EEF1A2: variants seen among roughly 807,000 people sequenced by gnomAD.
The protein encoded by EEF1A2 is elongation factor 1-alpha 2.
Under a neutral mutation model 39.3 loss-of-function variants are expected in EEF1A2, and 5 were observed. That is an observed-to-expected ratio of 0.13 (90% confidence interval 0.07 to 0.27). The LOEUF (loss-of-function observed/expected upper bound fraction) is 0.27, where lower values mean the gene tolerates loss of function less well. Ranked by LOEUF, EEF1A2 falls within the 10% of genes least tolerant of loss-of-function variation. The pLI, the probability that EEF1A2 is intolerant of heterozygous loss-of-function variation, is 1.00. For missense variants in EEF1A2, 218 were observed against 681.4 expected (o/e 0.32, Z 7.57); for synonymous variants, 287 against 293.7 (o/e 0.98, Z 0.23).
intron 6 of EEF1A2, 145 bp downstream of exon 6, chr20:63,490,334 G>A: frequency 9.6e-7 from 1 of 1,046,876 alleles, no homozygotes; most frequent in Non-Finnish European, 1.4e-6. Flanking sequence ...CAAAGTGCTG[G>A]GATTACAGGC....
rs888357801 is a variant in EEF1A2, at chr20:63,493,216, G to A, written c.693C>T (p.Ala231=). 9.7e-6 allele frequency: 15 copies of A among 1,548,260 alleles called. No homozygotes were observed. The highest frequency in any genetic ancestry group is 1.4e-5 in the African/African-American group (1 of 72,958). The change falls in exon 5 of 8, where the codon GCC becomes GCT. Residue 231 remains alanine (A), a synonymous_variant. Transcript: ENST00000217182. ...GCGTGGGGGGCAGGATGGTGTCCAG[G>A]GCCTCCAGCAGGGACACGCCGCTTG... ...GNASGVSLLE[A]LDTILPPTRP...
intron 2 of EEF1A2, 48 bp from the exon 3 acceptor site, chr20:63,496,083 A>G: frequency 6.2e-7 from 1 of 1,601,004 alleles, no homozygotes. Context: ...GGGACCCAGG[A>G]GTCCCTGGTG....
intron 5 of EEF1A2, among the ~76,000 whole-genome samples, chr20:63,492,363 TGGATAGAG>T (rs1199282571): frequency 3.3e-5 from 5 of 150,326 alleles, no homozygotes; most frequent in Non-Finnish European, 7.4e-5. Context: ...AATAGATGGA[TGGATAGAG>T]AGAAGGATGG....
In EEF1A2 at chr20:63,494,866, G is replaced by T; in HGVS notation, c.560C>A (p.Thr187Asn). ...GCCGGAGATGGGCACAAAGGGCACG[G>T]TGGCCGGGTTGTAGCCGATCTTCTT... ...YIKKIGYNPA[T>N]VPFVPISGWH... is the part of the protein sequence containing the mutation. The change falls in exon 4 of 8, where the codon ACC becomes AAC. Residue 187 changes from threonine (T) to asparagine (N), a missense_variant. Around this residue, in one of 4 missense-constraint regions of EEF1A2, gnomAD observed 79 missense variants for 172.3 expected, o/e 0.46. Transcript: ENST00000217182. 6.2e-7 allele frequency: 1 copy of T among 1,612,712 alleles called. No individual in the cohort carries two copies.
At chr20:63,490,837 A>G (rs2082375526) in intron 5 of EEF1A2, 102 bp from the exon 6 acceptor site, 2 of 1,401,566 alleles carry the variant, frequency 1.4e-6, no homozygotes, top group Admixed American at 4.1e-5. Context: ...CTGGGACTGG[A>G]TCCCCCCGAC....
At position 63,498,034 on chromosome 20, in the gene EEF1A2, C is replaced by G. The variant is rs564249160; in HGVS notation, c.-71-200G>C. 18 of 385,756 alleles carry G rather than the reference C, an allele frequency of 4.7e-5. No individual in the cohort carries two copies. In the South Asian group the frequency reaches 5.9e-4, roughly 13 times the overall value. 23.9% of individuals were successfully genotyped at this position (385,756 alleles called of 1,614,324 possible). A position where few individuals can be genotyped will look rare whatever the true frequency, so the allele number is the denominator to read the frequency against. ...GGCTGTGCACTGCCCCCACCCCACACTTGAGCCCAAACAGCCCCATCTGCT... is the reference window on the plus strand; with the variant it reads ...GGCTGTGCACTGCCCCCACCCCACAGTTGAGCCCAAACAGCCCCATCTGCT... On this transcript the variant is annotated intron_variant, in intron 1 of 7. Transcript: ENST00000217182. This position sits in a 1 kb window ranked among gnomAD's most constrained non-coding sequence, Gnocchi z 4.1.
chr20:63,488,906 A>C lies in EEF1A2; in HGVS notation c.1264+12T>G. 3 of 1,605,522 alleles carry C rather than the reference A, an allele frequency of 1.9e-6. No individual in the cohort carries two copies. The highest frequency in any genetic ancestry group is 2.5e-6 in the Non-Finnish European group (3 of 1,178,534). On this transcript the variant is annotated intron_variant, in intron 7 of 7. Coordinates refer to ENST00000217182, the MANE Select transcript of EEF1A2 (RefSeq NM_001958.5). ...CCTGGGGGCTGCACCTCCCCGGACCACCCCGGCTCACCGAGAGGCGGGTAC... is the reference window on the plus strand; with the variant it reads ...CCTGGGGGCTGCACCTCCCCGGACCCCCCCGGCTCACCGAGAGGCGGGTAC...
chr20:63,497,817 AG>A lies in EEF1A2; in HGVS notation c.-55del. On this transcript the variant is annotated 5_prime_UTR_variant, in exon 2 of 8. Transcript: ENST00000217182. The surrounding 1 kb of genome is among the most constrained non-coding windows in gnomAD (Gnocchi z 7.3). Reference sequence around the variant, plus strand: ...ACCCGGGGTGCTCTGGCTCAGGGCGAGGGGGGCTGCAGTGATTCTGTGGGGC... The same window carrying A: ...ACCCGGGGTGCTCTGGCTCAGGGCGAGGGGGCTGCAGTGATTCTGTGGGGC... 6.3e-7 allele frequency: 1 copy of A among 1,581,686 alleles called. No individual in the cohort carries two copies.
intron 4 of EEF1A2, among the ~76,000 whole-genome samples, chr20:63,493,944 G>T (rs1269617586): frequency 2.6e-5 from 4 of 152,252 alleles, no homozygotes; most frequent in African/African-American, 9.6e-5. Flanking sequence ...CCTCCCTGGG[G>T]AGGGGAGAGT....
At chr20:63,490,995 G>A (rs1459293719) in intron 5 of EEF1A2, among the ~76,000 whole-genome samples, 2 of 152,252 alleles carry the variant, frequency 1.3e-5, no homozygotes, top group African/African-American at 2.4e-5. Flanking sequence ...AGGAACCCAC[G>A]GAAAAGCCAC....
At chr20:63,491,866 GTGGA>G (rs1396638724) in intron 5 of EEF1A2, among the ~76,000 whole-genome samples, 1 of 99,220 alleles carries the variant, frequency 1.0e-5, no homozygotes, top group Non-Finnish European at 2.0e-5. Context: ...GGATGGGGAG[GTGGA>G]TGGATAGATG....
chr20:63,495,160 G>A, intron 3 of EEF1A2, 59 bp from the exon 4 acceptor site: 1 of 1,570,308 alleles, frequency 6.4e-7, no homozygotes, highest in Non-Finnish European at 8.6e-7. Context: ...GACAGAGCGA[G>A]CCTGGCCCCA....
In EEF1A2 at chr20:63,497,707, T is replaced by C. The variant is rs1311318770; in HGVS notation, c.57A>G (p.Gly19=). Reference sequence around the variant, plus strand: ...TGAGGTGGCCCGTGGTGGTGGACTTTCCGGAGTCCACGTGGCCGATGACCA... The same window carrying C: ...TGAGGTGGCCCGTGGTGGTGGACTTCCCGGAGTCCACGTGGCCGATGACCA... ...NIVVIGHVDS[G]KSTTTGHLIY... The change falls in exon 2 of 8, where the codon GGA becomes GGG. Residue 19 remains glycine (G), a synonymous_variant. Coordinates refer to ENST00000217182, the MANE Select transcript of EEF1A2 (RefSeq NM_001958.5). The surrounding 1 kb of genome is among the most constrained non-coding windows in gnomAD (Gnocchi z 7.3). The C allele has an allele frequency of 1.2e-6, 2 of 1,612,962 alleles. No homozygotes were observed. Among genetic ancestry groups the C allele is most frequent in the Non-Finnish European group, 1.7e-6 (2 of 1,179,846 alleles).
rs2082370243 is a variant in EEF1A2 at position 63,489,907 on chromosome 20, T to G, written c.1029+572A>C. 2.0e-5 allele frequency among the ~76,000 whole-genome samples: 3 copies of G among 152,190 alleles called. No homozygotes were observed. In the South Asian group the frequency reaches 6.2e-4, roughly 32 times the overall value. ...AACAAAAGCGTTTTTCTAGGACGAA[T>G]GTAGGACCTCAAAGGCTGGGCATCC... On this transcript the variant is annotated intron_variant, in intron 6 of 7. Coordinates refer to ENST00000217182, the MANE Select transcript of EEF1A2 (RefSeq NM_001958.5).
At chr20:63,490,841 C>T in intron 5 of EEF1A2, 106 bp from the exon 6 acceptor site, 1 of 1,362,698 alleles carries the variant, frequency 7.3e-7, no homozygotes, top group Non-Finnish European at 9.9e-7. Context: ...GACTGGATCC[C>T]CCCGACAGGC....
chr20:63,497,719 G>A lies in EEF1A2; in HGVS notation c.45C>T (p.His15=), dbSNP rs546748631. The A allele has an allele frequency of 8.1e-6, 13 of 1,612,960 alleles. No individual in the cohort carries two copies. In the East Asian group the frequency reaches 1.3e-4, roughly 17 times the overall value. ...TGGTGGTGGACTTTCCGGAGTCCAC[G>A]TGGCCGATGACCACGATGTTGATGT... The part of the protein sequence containing the change: ...KTHINIVVIG[H]VDSGKSTTTG... Residue 15 remains histidine (H), a synonymous_variant, in exon 2 of 8, where the codon CAC becomes CAT. Transcript: ENST00000217182. The surrounding 1 kb of genome is among the most constrained non-coding windows in gnomAD (Gnocchi z 7.3).
intron 6 of EEF1A2, among the ~76,000 whole-genome samples, 161 bp from the exon 7 acceptor site, chr20:63,489,313 G>A (rs1249097249): frequency 1.3e-5 from 2 of 152,224 alleles, no homozygotes; most frequent in Non-Finnish European, 2.9e-5. Context: ...CCAGCCCCCA[G>A]ACCTGAACCT....
intron 5 of EEF1A2, among the ~76,000 whole-genome samples, chr20:63,491,072 CG>C (rs1311471430): frequency 6.6e-6 from 1 of 152,224 alleles, no homozygotes; most frequent in African/African-American, 2.4e-5. Context: ...TCCTTGCCCC[CG>C]GAGAGCACTT....
chr20:63,496,104 C>T, intron 2 of EEF1A2, 69 bp from the exon 3 acceptor site: 1 of 1,569,292 alleles, frequency 6.4e-7, no homozygotes, highest in South Asian at 1.1e-5. Context: ...GTGCGAGCTG[C>T]TTGTTACAGC....
Sources: gnomAD v4.1 joint callset for allele counts (sites outside exome capture counted in the v4.1 genomes callset) on GRCh38, gnomAD v4.1.1 for gene constraint, gnomAD v4.1.1 regional missense constraint, Gnocchi (gnomAD v3.1) non-coding constraint, MANE v1.5 for transcripts, NCBI Gene and HGNC (gene_info 2026-07-23, HGNC 2026-07-21) for gene names.